C13orf46: variants seen among roughly 807,000 people sequenced by gnomAD.
C13orf46 encodes the protein chromosome 13 open reading frame 46, also known as uncharacterized protein C13orf46.
chr13:113,943,795 G>A, the C13orf46 span, among the ~76,000 whole-genome samples: 1 of 152,196 alleles, frequency 6.6e-6, no homozygotes, highest in Admixed American at 6.5e-5. Context: ...AGGCAGCAGG[G>A]CCTGTGGCCA....
chr13:113,941,672 G>A, the C13orf46 span, among the ~76,000 whole-genome samples: 3 of 152,224 alleles, frequency 2.0e-5, no homozygotes, highest in Non-Finnish European at 4.4e-5. Context: ...CTGTCAGATG[G>A]AGACACAGTT....
rs1271594389 is a variant in C13orf46, at chr13:113,957,776, C to T, written c.573-937G>A. Among the ~76,000 whole-genome samples the T allele has an allele frequency of 5.6e-5, 8 of 143,814 alleles. No homozygotes were observed. In the East Asian group the frequency reaches 1.6e-3, roughly 28 times the overall value. The allele number at this position is 143,814 out of a possible 152,430, so 94.3% of individuals were successfully genotyped here. A position where few individuals can be genotyped will look rare whatever the true frequency, so the allele number is the denominator to read the frequency against. ...TTTCATCAAGCGCACTGGGAGTTCT[C>T]CCCTGCACTCTGCCTGCACCCCCTT... On this transcript the variant is annotated intron_variant, in intron 6 of 6. Coordinates refer to ENST00000636427, the MANE Select transcript of C13orf46 (RefSeq NM_001365455.2).
intron 6 of C13orf46, among the ~76,000 whole-genome samples, chr13:113,959,499 C>G (rs1254525386): frequency 7.2e-5 from 11 of 152,316 alleles, no homozygotes; most frequent in African/African-American, 2.6e-4. Flanking sequence ...AGTGAAACAA[C>G]AGGCACTGGA....
In C13orf46 at chr13:113,955,747, C is replaced by CA. The variant is rs1339450843; in HGVS notation, c.*1025dup. ...GGCAGAGACGAGGAGTAGTGTCTGG[C>CA]AGAGAGGAGGAGCATCCGGCGGAGA... On this transcript the variant is annotated 3_prime_UTR_variant, in exon 7 of 7. Coordinates refer to ENST00000636427, the MANE Select transcript of C13orf46 (RefSeq NM_001365455.2). 1.5e-5 allele frequency: 2 copies of CA among 137,734 alleles called. No individual in the cohort carries two copies. Among genetic ancestry groups the CA allele is most frequent in the Admixed American group, 7.7e-5 (1 of 12,906 alleles). The allele number at this position is 137,734 out of a possible 1,614,324, so 8.5% of individuals were successfully genotyped here.
downstream of C13orf46, among the ~76,000 whole-genome samples, chr13:113,951,857 T>C (rs1448596095): frequency 3.9e-5 from 6 of 152,238 alleles, no homozygotes; most frequent in Non-Finnish European, 5.9e-5. Flanking sequence ...CGGCGGCACC[T>C]GCTGCTCTGT....
chr13:113,938,544 T>A, the C13orf46 span, among the ~76,000 whole-genome samples: 2 of 152,120 alleles, frequency 1.3e-5, no homozygotes, highest in African/African-American at 4.8e-5. Context: ...AGCCTCTCCA[T>A]CCTCCCTAAA....
chr13:113,933,577 A>G, the C13orf46 span, among the ~76,000 whole-genome samples: 53,691 of 151,988 alleles, frequency 0.35, 10,145 homozygotes, highest in African/African-American at 0.47. Flanking sequence ...TTGATTCTGG[A>G]GATCAATCTG....
chr13:113,942,407 G>T, the C13orf46 span, among the ~76,000 whole-genome samples: 9 of 152,336 alleles, frequency 5.9e-5, no homozygotes, highest in East Asian at 1.7e-3. Context: ...AGTTCCAGGA[G>T]AATCAGGATT....
the C13orf46 span, among the ~76,000 whole-genome samples, chr13:113,938,586 T>C: frequency 4.6e-5 from 7 of 152,192 alleles, no homozygotes; most frequent in African/African-American, 1.7e-4. Flanking sequence ...AATCCAAGGC[T>C]ATCTCCCGAC....
At chr13:113,940,235 G>A in the C13orf46 span, among the ~76,000 whole-genome samples, 44 of 152,372 alleles carry the variant, frequency 2.9e-4, no homozygotes, top group African/African-American at 8.2e-4. Flanking sequence ...CCCCGGAAGC[G>A]AAGAGCAGGA....
At chr13:113,965,764 A>G (rs1399170403) in intron 5 of C13orf46, among the ~76,000 whole-genome samples, 6 of 140,676 alleles carry the variant, frequency 4.3e-5, no homozygotes, top group South Asian at 2.3e-4. Context: ...GGTGATGGTG[A>G]TGATGGTGAT....
the C13orf46 span, among the ~76,000 whole-genome samples, chr13:113,933,462 T>C: frequency 0.027 from 4,134 of 152,328 alleles, 92 homozygotes; most frequent in Non-Finnish European, 0.043. Context: ...TGTTCTTTTT[T>C]ATGCTTGCTT....
At chr13:113,951,637 C>T (rs941049851), downstream of C13orf46, among the ~76,000 whole-genome samples, 5 of 151,388 alleles carry the variant, frequency 3.3e-5, no homozygotes, top group Admixed American at 3.3e-4. Flanking sequence ...CAAGCCTCCT[C>T]CAGGCCCCAG....
chr13:113,965,549 T>TGATGGTGATGAC (rs1263905522), intron 5 of C13orf46, among the ~76,000 whole-genome samples: 1 of 152,174 alleles, frequency 6.6e-6, no homozygotes, highest in Non-Finnish European at 1.5e-5. Context: ...GTGATAATGT[T>TGATGGTGATGAC]GATGGTGATG....
chr13:113,945,668 GAA>G, the C13orf46 span, among the ~76,000 whole-genome samples: 524 of 133,682 alleles, frequency 3.9e-3, 12 homozygotes, highest in East Asian at 0.013. Flanking sequence ...AAGAAAGAAA[GAA>G]AGGAAAGAAA....
downstream of C13orf46, among the ~76,000 whole-genome samples, chr13:113,951,282 C>A (rs2052487659): frequency 6.6e-6 from 1 of 152,324 alleles, no homozygotes; most frequent in African/African-American, 2.4e-5. Context: ...GAGCCCTCAG[C>A]ACCGGGGCCC....
At chr13:113,947,972 G>A in the C13orf46 span, among the ~76,000 whole-genome samples, 1 of 152,254 alleles carries the variant, frequency 6.6e-6, no homozygotes, top group Admixed American at 6.5e-5. Context: ...AGGAGCCCAT[G>A]TCCAGCCAGG....
At chr13:113,931,127 C>A in the C13orf46 span, among the ~76,000 whole-genome samples, 1 of 152,238 alleles carries the variant, frequency 6.6e-6, no homozygotes, top group Non-Finnish European at 1.5e-5. Flanking sequence ...TCCCCACCAC[C>A]CAGGCCGAGA....
chr13:113,931,626 C>T, the C13orf46 span, among the ~76,000 whole-genome samples: 1 of 152,200 alleles, frequency 6.6e-6, no homozygotes. Context: ...CACAGACTCT[C>T]ACCAAATGTT....
Sources: gnomAD v4.1 joint callset for allele counts (sites outside exome capture counted in the v4.1 genomes callset) on GRCh38, gnomAD v4.1.1 for gene constraint, MANE v1.5 for transcripts, NCBI Gene and HGNC (gene_info 2026-07-23, HGNC 2026-07-21) for gene names.